The following ENTREP2 variants were observed in gnomAD, a reference collection of about 807,000 sequenced individuals.
The protein encoded by ENTREP2 is protein ENTREP2.
the ENTREP2 span, among the ~76,000 whole-genome samples, chr15:29,130,087 A>G: frequency 2.6e-5 from 4 of 152,086 alleles, no homozygotes; most frequent in Non-Finnish European, 5.9e-5. Flanking sequence ...CCAGGCTGAC[A>G]CCAGGGCGGG....
chr15:29,172,271 C>T, the ENTREP2 span, among the ~76,000 whole-genome samples: 2 of 152,210 alleles, frequency 1.3e-5, no homozygotes, highest in Non-Finnish European at 2.9e-5. Flanking sequence ...ACTGATTTAA[C>T]TTTGATTGTG....
chr15:29,421,728 C>CT, the ENTREP2 span, among the ~76,000 whole-genome samples: 2 of 152,158 alleles, frequency 1.3e-5, no homozygotes, highest in East Asian at 1.9e-4. Flanking sequence ...TTACATTTAA[C>CT]TTCTTTTAAT....
the ENTREP2 span, among the ~76,000 whole-genome samples, chr15:29,449,030 C>A: frequency 1.3e-5 from 2 of 152,174 alleles, no homozygotes; most frequent in Non-Finnish European, 2.9e-5. Flanking sequence ...AACACTGTTA[C>A]TGCATCTACA....
the ENTREP2 span, among the ~76,000 whole-genome samples, chr15:29,378,049 A>G: frequency 3.3e-5 from 5 of 151,894 alleles, no homozygotes; most frequent in Admixed American, 3.3e-4. Context: ...TAATTAGAGA[A>G]GAAAGATAAT....
the ENTREP2 span, among the ~76,000 whole-genome samples, chr15:29,550,248 T>C: frequency 2.6e-5 from 4 of 151,992 alleles, no homozygotes; most frequent in African/African-American, 9.7e-5. Flanking sequence ...GAAATAATCA[T>C]CCTTCACTTC....
the ENTREP2 span, among the ~76,000 whole-genome samples, chr15:29,538,357 G>A: frequency 6.6e-6 from 1 of 152,134 alleles, no homozygotes; most frequent in Non-Finnish European, 1.5e-5. Flanking sequence ...GGAGAGAAGA[G>A]CCAGAGAGCT....
chr15:29,214,473 G>A, the ENTREP2 span, among the ~76,000 whole-genome samples: 3 of 152,278 alleles, frequency 2.0e-5, no homozygotes, highest in African/African-American at 2.4e-5. Flanking sequence ...TCACATATAG[G>A]TAGGAACTGA....
At chr15:29,545,762 C>T in the ENTREP2 span, among the ~76,000 whole-genome samples, 1 of 152,278 alleles carries the variant, frequency 6.6e-6, no homozygotes, top group Non-Finnish European at 1.5e-5. Context: ...AGTTAGAATA[C>T]ATTTTTTTAA....
chr15:29,151,920 A>C, the ENTREP2 span: 1 of 979,358 alleles, frequency 1.0e-6, no homozygotes, highest in Non-Finnish European at 1.4e-6. Flanking sequence ...GCCAGGGCCC[A>C]GAATGAGCCG....
chr15:29,516,451 T>C, the ENTREP2 span, among the ~76,000 whole-genome samples: 1 of 152,132 alleles, frequency 6.6e-6, no homozygotes, highest in African/African-American at 2.4e-5. Flanking sequence ...CTAGTAACAA[T>C]ACAATATCAT....
At chr15:29,574,930 A>G in the ENTREP2 span, among the ~76,000 whole-genome samples, 4 of 152,068 alleles carry the variant, frequency 2.6e-5, no homozygotes, top group African/African-American at 9.7e-5. Flanking sequence ...AACCAGGGGG[A>G]CTTTTTTTAA....
the ENTREP2 span, among the ~76,000 whole-genome samples, chr15:29,502,999 G>A: frequency 2.0e-5 from 3 of 152,052 alleles, no homozygotes; most frequent in Admixed American, 6.5e-5. Flanking sequence ...GAACTCATAC[G>A]TTGCTGATAG....
the ENTREP2 span, among the ~76,000 whole-genome samples, chr15:29,633,682 C>T: frequency 3.9e-5 from 6 of 152,172 alleles, no homozygotes; most frequent in South Asian, 2.1e-4. Context: ...GTGAGGGGGC[C>T]GGGCACGGTG....
chr15:29,655,222 CACAGGACT>C, the ENTREP2 span, among the ~76,000 whole-genome samples: 3 of 152,148 alleles, frequency 2.0e-5, no homozygotes, highest in Non-Finnish European at 1.5e-5. Context: ...GACACAGGAC[CACAGGACT>C]ACAGCTGAGA....
chr15:29,613,043 AC>A, the ENTREP2 span, among the ~76,000 whole-genome samples: 3 of 152,136 alleles, frequency 2.0e-5, no homozygotes, highest in African/African-American at 7.2e-5. Context: ...CAGAATTTGC[AC>A]GTGGGCCCCA....
the ENTREP2 span, among the ~76,000 whole-genome samples, chr15:29,350,051 C>T: frequency 1.3e-5 from 2 of 152,136 alleles, no homozygotes; most frequent in Admixed American, 1.3e-4. Context: ...ACAAACACTA[C>T]CAACCAAGCT....
chr15:29,119,538 A>G, the ENTREP2 span, among the ~76,000 whole-genome samples: 5 of 34,366 alleles, frequency 1.5e-4, no homozygotes, highest in African/African-American at 2.9e-4. Flanking sequence ...AGCATGGCAC[A>G]TGTATACATA....
the ENTREP2 span, among the ~76,000 whole-genome samples, chr15:29,503,167 A>G: frequency 1.3e-5 from 2 of 152,168 alleles, no homozygotes; most frequent in Non-Finnish European, 2.9e-5. Context: ...AGCGGCAATC[A>G]TAATAGTCTA....
the ENTREP2 span, among the ~76,000 whole-genome samples, chr15:29,277,301 C>T: frequency 6.6e-6 from 1 of 151,192 alleles, no homozygotes; most frequent in South Asian, 2.1e-4. Context: ...AAGATTGTGT[C>T]ACTGCACTTT....
Sources: gnomAD v4.1 joint callset for allele counts (sites outside exome capture counted in the v4.1 genomes callset) on GRCh38, gnomAD v4.1.1 for gene constraint, MANE v1.5 for transcripts, NCBI Gene and HGNC (gene_info 2026-07-23, HGNC 2026-07-21) for gene names.